ACTN3: variants seen among roughly 807,000 people sequenced by gnomAD.
ACTN3 encodes alpha-actinin-3.
A neutral mutation model predicts 119.6 loss-of-function variants in ACTN3; 91 were observed. That is an observed-to-expected ratio of 0.76 (90% confidence interval 0.64 to 0.91). ACTN3 has a LOEUF of 0.91. ACTN3 is among the 40% of genes least tolerant of loss of function. The pLI is 0.00. For missense variants in ACTN3, 1,221 were observed against 1,215.1 expected (o/e 1.00, Z -0.07); for synonymous variants, 456 against 478.8 (o/e 0.95, Z 0.62).
chr11:66,557,880 G>C lies in ACTN3; in HGVS notation c.1079G>C (p.Arg360Pro), dbSNP rs748223048. The change falls in exon 10 of 21, where the codon CGG (arginine) becomes CCG (proline). Residue 360 changes from arginine to proline, a missense_variant. By Grantham distance (103) the Arg-to-Pro change is moderately radical (BLOSUM62 -2). Around this residue, in one of 3 missense-constraint regions of ACTN3, gnomAD observed 934 missense variants for 899.9 expected, o/e 1.04. Transcript: ENST00000513398. ...INFNTLQTKL[R>P]LSHRPAFMPS... Reference sequence around the variant, plus strand: ...TTCAACACACTGCAGACCAAGTTGCGGCTCAGCCACCGGCCTGCCTTCATG... The same window carrying C: ...TTCAACACACTGCAGACCAAGTTGCCGCTCAGCCACCGGCCTGCCTTCATG... The C allele has an allele frequency of 1.9e-6, 3 of 1,614,104 alleles. No homozygotes were observed. In the South Asian group the frequency reaches 3.3e-5, roughly 18 times the overall value.
chr11:66,558,806 A>G (rs1857663257), intron 11 of ACTN3: 1 of 165,356 alleles, frequency 6.0e-6, no homozygotes, highest in Admixed American at 6.3e-5. Context: ...CCTCACCCTA[A>G]CATCACTTAT....
Position 66,561,622 on chromosome 11 carries a change from C to A in ACTN3, c.2160C>A (p.Thr720=), listed in dbSNP as rs371925216. 7 of 1,612,132 alleles carry A rather than the reference C, an allele frequency of 4.3e-6. No individual in the cohort carries two copies. The highest frequency in any genetic ancestry group is 5.9e-6 in the Non-Finnish European group (7 of 1,179,218). The change falls in exon 17 of 21, where the codon ACC becomes ACA. Residue 720 remains threonine (T), a synonymous_variant. Coordinates refer to ENST00000513398, the MANE Select transcript of ACTN3 (RefSeq NM_001104.4). ...GCCTGGTGTTCGACAATAAGCACAC[C>A]GTCTACAGCATGGAGGTGGGATCAC... ...QESLVFDNKH[T]VYSMEHIRVG... is the part of the protein sequence containing the mutation.
chr11:66,560,501 A>C (rs1857728698), intron 14 of ACTN3, 72 bp from the exon 15 acceptor site: 1 of 1,528,958 alleles, frequency 6.5e-7, no homozygotes, highest in African/African-American at 1.4e-5. Flanking sequence ...GGCCTGGGGC[A>C]CACTGCTGCC....
chr11:66,562,429 C>A, intron 19 of ACTN3, 107 bp downstream of exon 19: 1 of 1,260,498 alleles, frequency 7.9e-7, no homozygotes, highest in Non-Finnish European at 1.2e-6. Context: ...CCTGCATCTT[C>A]ACTACATCCA....
At position 66,552,201 on chromosome 11, in the gene ACTN3, A is replaced by G. The variant is rs1391353138; in HGVS notation, c.382+554A>G. Reference sequence around the variant, plus strand: ...AAGACCATCCTGGCCAACATGGTAAAACCCTGTCTCTACTAAAAATACGCT... The same window carrying G: ...AAGACCATCCTGGCCAACATGGTAAGACCCTGTCTCTACTAAAAATACGCT... On this transcript the variant is annotated intron_variant, in intron 3 of 20. Transcript: ENST00000513398. Among the ~76,000 whole-genome samples, 3 of 151,474 alleles carry G rather than the reference A, an allele frequency of 2.0e-5. No homozygotes were observed. The East Asian group carries it at 5.9e-4, about 30-fold the overall frequency.
At chr11:66,562,497 A>T (rs1291702048) in intron 19 of ACTN3, 175 bp downstream of exon 19, 1 of 321,694 alleles carries the variant, frequency 3.1e-6, no homozygotes, top group Non-Finnish European at 4.5e-6. Context: ...TTCTGTGTGG[A>T]CCCAAAGTCT....
chr11:66,550,957 T>C, intron 1 of ACTN3: 1 of 552,552 alleles, frequency 1.8e-6, no homozygotes, highest in Non-Finnish European at 3.4e-6. Context: ...GGCCCTCCAG[T>C]GTTTAAGACC....
intron 9 of ACTN3, 137 bp from the exon 10 acceptor site, chr11:66,557,562 C>A: frequency 1.1e-6 from 1 of 879,240 alleles, no homozygotes; most frequent in Non-Finnish European, 1.7e-6. Flanking sequence ...GTGGGGACTA[C>A]CCCATCCTGC....
chr11:66,553,634 G>A (rs1857522836), intron 3 of ACTN3, among the ~76,000 whole-genome samples: 1 of 151,816 alleles, frequency 6.6e-6, no homozygotes, highest in Non-Finnish European at 1.5e-5. Context: ...ACTTTGGGAG[G>A]CCGAGGCAGG....
intron 15 of ACTN3, 97 bp from the exon 16 acceptor site, chr11:66,561,130 G>T: frequency 7.0e-7 from 1 of 1,429,436 alleles, no homozygotes; most frequent in South Asian, 1.5e-5. Context: ...TTGGCTCAAA[G>T]CAACAGGGGC....
At position 66,562,247 on chromosome 11, in the gene ACTN3, C is replaced by A. The variant is rs1335349021; in HGVS notation, c.2323-10C>A. 1.2e-6 allele frequency: 2 copies of A among 1,613,736 alleles called. No individual in the cohort carries two copies. The highest frequency in any genetic ancestry group is 1.7e-6 in the Non-Finnish European group (2 of 1,179,870). On this transcript the variant is annotated splice_polypyrimidine_tract_variant and intron_variant, in intron 18 of 20. Transcript: ENST00000513398. ...GGAGACCAAGCCTGATAACCACTCA[C>A]CCCCTACAGAAGCAGAATGGGATGA...
At chr11:66,558,948 G>A (rs1407033355) in intron 11 of ACTN3, 4 of 331,684 alleles carry the variant, frequency 1.2e-5, no homozygotes, top group Non-Finnish European at 2.2e-5. Context: ...GGGCTCATGG[G>A]GGTTACAGAA....
upstream of ACTN3, chr11:66,546,752 C>T (rs1857351218): frequency 1.2e-5 from 18 of 1,535,700 alleles, no homozygotes; most frequent in Admixed American, 2.0e-5. Context: ...CCCCCGAGTC[C>T]CGCAGTTCCC....
chr11:66,550,249 G>C (rs951607134), intron 1 of ACTN3, among the ~76,000 whole-genome samples: 5 of 152,220 alleles, frequency 3.3e-5, no homozygotes, highest in Non-Finnish European at 7.3e-5. Flanking sequence ...GAGTGGCTCA[G>C]TTGGCCTTGG....
At chr11:66,560,475 C>T in intron 14 of ACTN3, 98 bp from the exon 15 acceptor site, 1 of 1,493,108 alleles carries the variant, frequency 6.7e-7, no homozygotes, top group Admixed American at 2.1e-5. Context: ...GTCAGGACTG[C>T]CCAGGACTGG....
intron 9 of ACTN3, 85 bp from the exon 10 acceptor site, chr11:66,557,613 AC>A: frequency 7.0e-7 from 1 of 1,422,464 alleles, no homozygotes; most frequent in East Asian, 2.5e-5. Flanking sequence ...CACTCTGGCC[AC>A]AGCCTGGGTG....
In ACTN3 at chr11:66,551,405, A is replaced by G. The variant is rs901302642; in HGVS notation, c.262+52A>G. 2.9e-5 allele frequency: 46 copies of G among 1,571,008 alleles called. 1 individual carries two copies. In the Admixed American group the frequency reaches 8.5e-4, roughly 29 times the overall value. ...GGCCCCAGGACCCAGGAACATCTGG[A>G]CAGCAGGGGGAATAGGGTGGCGGAG... On this transcript the variant is annotated intron_variant, in intron 2 of 20. Coordinates refer to ENST00000513398, the MANE Select transcript of ACTN3 (RefSeq NM_001104.4).
In ACTN3 at chr11:66,562,004, CTG is replaced by C. The variant is rs1857783479; in HGVS notation, c.2176-16_2176-15del. On this transcript the variant is annotated splice_polypyrimidine_tract_variant and intron_variant, in intron 17 of 20. Coordinates refer to ENST00000513398, the MANE Select transcript of ACTN3 (RefSeq NM_001104.4). Reference sequence around the variant, plus strand: ...GCACTGGCCGCCCACTGACAGTGGCCTGTCCCCTGACCGCCAGCACATCCGCG... The same window carrying C: ...GCACTGGCCGCCCACTGACAGTGGCCTCCCCTGACCGCCAGCACATCCGCG... The C allele has an allele frequency of 6.3e-7, 1 of 1,592,694 alleles. No individual in the cohort carries two copies. The highest frequency in any genetic ancestry group is 8.5e-7 in the Non-Finnish European group (1 of 1,170,086).
At chr11:66,557,673 G>A in intron 9 of ACTN3, 26 bp from the exon 10 acceptor site, 1 of 1,591,588 alleles carries the variant, frequency 6.3e-7, no homozygotes, top group South Asian at 1.1e-5. Context: ...AGAGCTGTCT[G>A]CCTTGCCCCT....
Sources: allele counts gnomAD v4.1 joint callset (sites outside exome capture counted in the v4.1 genomes callset), GRCh38; gene constraint gnomAD v4.1.1; regional missense constraint gnomAD v4.1.1; transcripts MANE v1.5; gene names NCBI Gene and HGNC (gene_info 2026-07-23, HGNC 2026-07-21).